The following MTFR1 variants were observed in gnomAD, a reference collection of about 807,000 sequenced individuals.
MTFR1 encodes the protein mitochondrial fission regulator 1.
A neutral mutation model predicts 38.8 loss-of-function variants in MTFR1; 28 were observed. The ratio of observed to expected loss-of-function variants is 0.72; its 90% CI spans 0.53 to 0.99. The LOEUF (loss-of-function observed/expected upper bound fraction) is 0.99. Among genes scored for constraint, MTFR1 ranks in the 50% least tolerant of loss-of-function variants. The pLI is 0.00. For synonymous variants in MTFR1, 145 were observed against 137.0 expected, an observed-to-expected ratio of 1.06 and a Z score of -0.41; for missense variants, 358 against 395.5, an observed-to-expected ratio of 0.91 and a Z score of 0.81.
At chr8:65,733,140 TGAAAA>T (rs1806971498) in intron 3 of MTFR1, among the ~76,000 whole-genome samples, 1 of 152,230 alleles carries the variant, frequency 6.6e-6, no homozygotes, top group African/African-American at 2.4e-5. Context: ...ATGTTAAGGA[TGAAAA>T]GTGTTTAAGT....
chr8:65,726,185 C>T (rs551974477), intron 3 of MTFR1, among the ~76,000 whole-genome samples: 5 of 152,172 alleles, frequency 3.3e-5, no homozygotes, highest in African/African-American at 9.7e-5. Context: ...GGTTTGCTGA[C>T]GTGCATTTTC....
chr8:65,766,111 A>G (rs1452830424), intron 3 of MTFR1, among the ~76,000 whole-genome samples: 1 of 151,944 alleles, frequency 6.6e-6, no homozygotes, highest in Non-Finnish European at 1.5e-5. Context: ...ACGCCCAGCT[A>G]ATTTTTGTAT....
intron 3 of MTFR1, chr8:65,745,454 A>G: frequency 6.4e-7 from 1 of 1,567,760 alleles, no homozygotes; most frequent in Non-Finnish European, 8.8e-7. Flanking sequence ...CCAATTTCCA[A>G]CTTTTTCCAG....
At chr8:65,723,350 C>CT (rs1806470049) in intron 3 of MTFR1, 2 of 439,862 alleles carry the variant, frequency 4.5e-6, no homozygotes, top group Non-Finnish European at 7.2e-6. Flanking sequence ...CAAAAATATA[C>CT]TTTTTACATC....
chr8:65,761,512 T>G (rs1808494463), intron 3 of MTFR1, among the ~76,000 whole-genome samples: 1 of 152,234 alleles, frequency 6.6e-6, no homozygotes, highest in African/African-American at 2.4e-5. Context: ...CTTGTGCTAG[T>G]TTACATGGTT....
At chr8:65,683,004 AGTCTTAGTCTTAGAACTTTTGAAG>A (rs1804949437) in intron 3 of MTFR1, 1 of 843,258 alleles carries the variant, frequency 1.2e-6, no homozygotes, top group African/African-American at 1.8e-5. Context: ...AACTTTTGAA[AGTCTTAGTCTTAGAACTTTTGAAG>A]GTCTTAGTAC....
chr8:65,748,166 A>C (rs1807773797), intron 3 of MTFR1, among the ~76,000 whole-genome samples: 1 of 152,048 alleles, frequency 6.6e-6, no homozygotes, highest in Non-Finnish European at 1.5e-5. Context: ...ATAAACATGG[A>C]GCAGAAACAT....
chr8:65,761,065 T>C (rs1808469181), intron 3 of MTFR1, among the ~76,000 whole-genome samples: 1 of 142,846 alleles, frequency 7.0e-6, no homozygotes, highest in Non-Finnish European at 1.5e-5. Context: ...TTGTTTTTTC[T>C]TTTTTTTTTT....
At chr8:65,741,073 T>C (rs1807408372) in intron 3 of MTFR1, among the ~76,000 whole-genome samples, 1 of 152,254 alleles carries the variant, frequency 6.6e-6, no homozygotes. Context: ...ATGTTTCGTT[T>C]TCCCTTCCAT....
At chr8:65,730,531 TCATCCTGAAAC>T (rs1351882664) in intron 3 of MTFR1, among the ~76,000 whole-genome samples, 6 of 152,108 alleles carry the variant, frequency 3.9e-5, no homozygotes, top group African/African-American at 1.4e-4. Context: ...TGTAACAGTT[TCATCCTGAAAC>T]CATCCCCCTC....
At chr8:65,752,604 T>C (rs1302133108) in intron 3 of MTFR1, among the ~76,000 whole-genome samples, 1 of 152,222 alleles carries the variant, frequency 6.6e-6, no homozygotes, top group South Asian at 2.1e-4. Flanking sequence ...TAAAGGCCAA[T>C]TACTTTACTA....
Position 65,657,676 on chromosome 8 carries a change from G to C in MTFR1, c.-80-12197G>C, listed in dbSNP as rs1207566977. ...GCAATGATCATGCCACTGCACTCCA[G>C]CCTGGGTGACAGAAGAGTGAGACTG... is the stretch of plus-strand genomic sequence containing the variant. On this transcript the variant is annotated intron_variant, in intron 1 of 7. Transcript: ENST00000262146. Among the ~76,000 whole-genome samples, 15 of 151,452 alleles carry C rather than the reference G, an allele frequency of 9.9e-5. No individual in the cohort carries two copies. The East Asian group carries it at 2.9e-3, about 29-fold the overall frequency.
At chr8:65,743,637 C>T (rs1807539808) in intron 3 of MTFR1, among the ~76,000 whole-genome samples, 1 of 152,124 alleles carries the variant, frequency 6.6e-6, no homozygotes, top group South Asian at 2.1e-4. Flanking sequence ...TACTAAAAGA[C>T]CCACATTGAT....
intron 3 of MTFR1, among the ~76,000 whole-genome samples, chr8:65,738,769 T>C (rs1311545957): frequency 3.3e-5 from 5 of 152,186 alleles, no homozygotes; most frequent in Non-Finnish European, 1.5e-5. Flanking sequence ...AAAGAGATTC[T>C]AGGGGTCAGA....
At chr8:65,659,077 A>C (rs895675644) in intron 1 of MTFR1, among the ~76,000 whole-genome samples, 3 of 152,144 alleles carry the variant, frequency 2.0e-5, no homozygotes, top group African/African-American at 7.2e-5. Context: ...GTTTATAGAC[A>C]AACAAGTACC....
chr8:65,745,536 C>A, intron 3 of MTFR1: 1 of 865,624 alleles, frequency 1.2e-6, no homozygotes. Context: ...TGGAGATATT[C>A]CATAGAGAAG....
intron 3 of MTFR1, among the ~76,000 whole-genome samples, chr8:65,768,064 C>T (rs1808883128): frequency 6.6e-6 from 1 of 152,086 alleles, no homozygotes; most frequent in Non-Finnish European, 1.5e-5. Flanking sequence ...AGAGGACACC[C>T]AGTTGGTGTC....
intron 3 of MTFR1, chr8:65,682,987 T>G (rs1410726663): frequency 1.1e-6 from 1 of 930,510 alleles, no homozygotes; most frequent in East Asian, 1.2e-4. Context: ...AAACCGTGAA[T>G]CAGGAGAACT....
chr8:65,738,152 TA>T (rs58556144), intron 3 of MTFR1, among the ~76,000 whole-genome samples: 30,146 of 151,316 alleles, frequency 0.2, 3,460 homozygotes, highest in African/African-American at 0.32. Context: ...ATTATGTCTT[TA>T]AAAAAAAACG....
Sources: gnomAD v4.1 joint callset for allele counts (sites outside exome capture counted in the v4.1 genomes callset) on GRCh38, gnomAD v4.1.1 for gene constraint, MANE v1.5 for transcripts, NCBI Gene and HGNC (gene_info 2026-07-23, HGNC 2026-07-21) for gene names.